The following NSMCE4A variants were observed in gnomAD, a reference collection of about 807,000 sequenced individuals.
NSMCE4A encodes the protein non-structural maintenance of chromosomes element 4 homolog A.
Under a neutral mutation model 47.9 loss-of-function variants are expected in NSMCE4A, and 40 were observed. The observed-to-expected ratio is 0.83, with a 90% CI of 0.65 to 1.09. The LOEUF (loss-of-function observed/expected upper bound fraction) is 1.09. Among genes scored for constraint, NSMCE4A ranks in the 50% least tolerant of loss-of-function variants. The pLI is 0.00. For missense variants in NSMCE4A, 500 were observed against 507.0 expected, an observed-to-expected ratio of 0.99 and a Z score of 0.13; for synonymous variants, 166 against 178.5, an observed-to-expected ratio of 0.93 and a Z score of 0.56.
chr10:121,971,321 T>C lies in NSMCE4A; in HGVS notation c.371-252A>G, dbSNP rs193043879. 4.1e-4 allele frequency among the ~76,000 whole-genome samples: 63 copies of C among 152,144 alleles called. No homozygotes were observed. In the South Asian group the frequency reaches 7.7e-3, roughly 19 times the overall value. On this transcript the variant is annotated intron_variant, in intron 2 of 10. Coordinates refer to ENST00000369023, the MANE Select transcript of NSMCE4A (RefSeq NM_017615.3). ...GTCAGGAGATCGAGACCATCCTGGC[T>C]AACACGGTGAAACCCCAGCTCTACT... is the stretch of plus-strand genomic sequence containing the variant.
intron 4 of NSMCE4A, chr10:121,967,443 C>A: frequency 1.9e-6 from 1 of 522,982 alleles, no homozygotes; most frequent in East Asian, 3.4e-5. Flanking sequence ...GATGATCTAC[C>A]TGCATCCACC....
At chr10:121,973,207 G>A (rs995370687) in intron 2 of NSMCE4A, among the ~76,000 whole-genome samples, 1 of 145,924 alleles carries the variant, frequency 6.9e-6, no homozygotes, top group African/African-American at 2.7e-5. Context: ...CTGCACTCCA[G>A]CCTGGGCAAC....
rs769808169 is a variant in NSMCE4A, at chr10:121,959,530, T to C, written c.1054A>G (p.Ile352Val). ...CAGTCACGGTAACTCAAAGCTATAA[T>C]TCCTTGATTTCTAACTTGTGTGTTA... ...EHNTQVRNQG[I>V]IALSYRDWEE... The change falls in exon 9 of 11, where the codon ATT becomes GTT. Residue 352 changes from isoleucine to valine, a missense_variant. By Grantham distance (29) the Ile-to-Val change is conservative. Coordinates refer to ENST00000369023, the MANE Select transcript of NSMCE4A (RefSeq NM_017615.3). The C allele has an allele frequency of 6.2e-7, 1 of 1,614,108 alleles. No homozygotes were observed. Among genetic ancestry groups the C allele is most frequent in the Non-Finnish European group, 8.5e-7 (1 of 1,179,946 alleles).
At position 121,959,304 on chromosome 10, in the gene NSMCE4A, C is replaced by T; in HGVS notation, c.*12+20G>A. ...ATGAACTTTAATAGAACTGTGTAGC[C>T]ATCCCATTGAAAAGGTTACCTTCAG... On this transcript the variant is annotated intron_variant, in intron 10 of 10. Coordinates refer to ENST00000369023, the MANE Select transcript of NSMCE4A (RefSeq NM_017615.3). The T allele has an allele frequency of 1.2e-5, 19 of 1,584,804 alleles. No individual in the cohort carries two copies. Among genetic ancestry groups the T allele is most frequent in the Non-Finnish European group, 1.6e-5 (19 of 1,153,326 alleles).
chr10:121,959,788 T>C, intron 8 of NSMCE4A, 193 bp from the exon 9 acceptor site: 1 of 590,420 alleles, frequency 1.7e-6, no homozygotes, highest in Non-Finnish European at 3.0e-6. Flanking sequence ...TCCATCTGTT[T>C]CCATTTCAAA....
At chr10:121,974,117 C>A in intron 1 of NSMCE4A, 36 bp from the exon 2 acceptor site, 1 of 1,529,928 alleles carries the variant, frequency 6.5e-7, no homozygotes, top group East Asian at 2.4e-5. Context: ...GAAATTTGTT[C>A]AGCATTCACT....
rs1952794279 is a variant in NSMCE4A, at chr10:121,975,140, C to T, written c.26G>A (p.Gly9Glu). 1 of 1,408,914 alleles carries T rather than the reference C, an allele frequency of 7.1e-7. No homozygotes were observed. The highest frequency in any genetic ancestry group is 9.1e-7 in the Non-Finnish European group (1 of 1,093,574). 87.3% of individuals were successfully genotyped at this position (1,408,914 alleles called of 1,614,324 possible). A position where few individuals can be genotyped will look rare whatever the true frequency, so the allele number is the denominator to read the frequency against. MSGDSSGRGPEGRGRGRDP... is the reference protein window; with the variant it reads MSGDSSGREPEGRGRGRDP... ...GCGGCCCCGGCCCCGGCCCTCTGGC[C>T]CGCGGCCGCTGCTGTCCCCAGACAT... is the stretch of plus-strand genomic sequence containing the variant. Residue 9 changes from glycine to glutamate, a missense_variant, in exon 1 of 11, where the codon GGG becomes GAG. By Grantham distance (98) the Gly-to-Glu change is moderately conservative (BLOSUM62 -2). Transcript: ENST00000369023.
Position 121,971,534 on chromosome 10 carries a change from T to G in NSMCE4A, c.371-465A>C, listed in dbSNP as rs1199966269. Among the ~76,000 whole-genome samples the G allele has an allele frequency of 4.8e-5, 7 of 146,260 alleles. No homozygotes were observed. The East Asian group carries it at 1.4e-3, about 30-fold the overall frequency. ...AACAAAAACAAAAACAAAAAAAAAC[T>G]TTCTCCTGTGCCCAACTCACCAAAA... is the stretch of plus-strand genomic sequence containing the variant. On this transcript the variant is annotated intron_variant, in intron 2 of 10. Coordinates refer to ENST00000369023, the MANE Select transcript of NSMCE4A (RefSeq NM_017615.3).
At chr10:121,969,501 T>TAAAAAAAAAAAAAAAA (rs35005382) in intron 3 of NSMCE4A, among the ~76,000 whole-genome samples, 4 of 138,206 alleles carry the variant, frequency 2.9e-5, no homozygotes, top group Non-Finnish European at 4.6e-5. Flanking sequence ...AAAAAAAAGT[T>TAAAAAAAAAAAAAAAA]AAAAAAAAAA....
intron 5 of NSMCE4A, 96 bp downstream of exon 5, chr10:121,965,188 CCG>C (rs386748367): frequency 1.5e-6 from 1 of 667,810 alleles, no homozygotes; most frequent in African/African-American, 2.8e-5. Flanking sequence ...GGCTCCAGAC[CCG>C]CACACTTAGA....
At chr10:121,959,255 A>G in intron 10 of NSMCE4A, 69 bp downstream of exon 10, 1 of 1,357,546 alleles carries the variant, frequency 7.4e-7, no homozygotes, top group African/African-American at 1.4e-5. Flanking sequence ...TGGAATGGGG[A>G]AAAGGGATAC....
At chr10:121,967,580 A>G in intron 4 of NSMCE4A, 75 bp downstream of exon 4, 2 of 1,463,034 alleles carry the variant, frequency 1.4e-6, no homozygotes, top group Admixed American at 2.1e-5. Flanking sequence ...ATACCAAATA[A>G]TCTTTGTCCC....
At chr10:121,962,026 C>T (rs1415624165) in intron 6 of NSMCE4A, 1 of 348,324 alleles carries the variant, frequency 2.9e-6, no homozygotes, top group South Asian at 2.1e-5. Flanking sequence ...AGGAGAATTG[C>T]TTGAATCCAG....
Position 121,965,338 on chromosome 10 carries a change from T to A in NSMCE4A, c.701A>T (p.Asp234Val). 6.2e-7 allele frequency: 1 copy of A among 1,614,066 alleles called. No homozygotes were observed. The highest frequency in any genetic ancestry group is 8.5e-7 in the Non-Finnish European group (1 of 1,179,954). ...TATCACAGGAACTTTTCTTGGACGATCAACTCGTGGCTTTGGCACAGGGCA... is the reference window on the plus strand; with the variant it reads ...TATCACAGGAACTTTTCTTGGACGAACAACTCGTGGCTTTGGCACAGGGCA... ...GECPVPKPRV[D>V]RPRKVPVIQE... Residue 234 changes from aspartate (D) to valine (V), a missense_variant, in exon 5 of 11, where the codon GAT (aspartate) becomes GTT (valine). Coordinates refer to ENST00000369023, the MANE Select transcript of NSMCE4A (RefSeq NM_017615.3).
chr10:121,968,204 G>A (rs1042887979), intron 3 of NSMCE4A, among the ~76,000 whole-genome samples: 1 of 152,106 alleles, frequency 6.6e-6, no homozygotes, highest in African/African-American at 2.4e-5. Context: ...ATAATGCACA[G>A]TAACAGCCCC....
At position 121,971,125 on chromosome 10, in the gene NSMCE4A, T is replaced by C. The variant is rs1026989167; in HGVS notation, c.371-56A>G. ...TACAAAATACACATTATCCATAGAC[T>C]TTTTCCCTACATTTCCAACTACTTA... On this transcript the variant is annotated intron_variant, in intron 2 of 10. Coordinates refer to ENST00000369023, the MANE Select transcript of NSMCE4A (RefSeq NM_017615.3). 2.1e-4 allele frequency: 303 copies of C among 1,474,846 alleles called. 1 individual carries two copies. Among genetic ancestry groups the C allele is most frequent in the Non-Finnish European group, 2.7e-4 (289 of 1,090,062 alleles). 91.4% of individuals were successfully genotyped at this position (1,474,846 alleles called of 1,614,324 possible).
Position 121,974,890 on chromosome 10 carries a change from G to A in NSMCE4A, c.276C>T (p.Leu92=), listed in dbSNP as rs199715146. The A allele has an allele frequency of 1.1e-3, 1,629 of 1,503,952 alleles. 3 individuals carry two copies. The highest frequency in any genetic ancestry group is 1.3e-3 in the Non-Finnish European group (1,520 of 1,128,280). The allele number at this position is 1,503,952 out of a possible 1,614,324, so 93.2% of individuals were successfully genotyped here. A position where few individuals can be genotyped will look rare whatever the true frequency, so the allele number is the denominator to read the frequency against. ...CRQIRHQYRA[L]INSVQQNRED... is the part of the protein sequence containing the mutation. Reference sequence around the variant, plus strand: ...CCGCCTTACGTTGGACGGAGTTGATGAGCGCCCGGTACTGATGGCGGATCT... The same window carrying A: ...CCGCCTTACGTTGGACGGAGTTGATAAGCGCCCGGTACTGATGGCGGATCT... Residue 92 remains leucine (L), a synonymous_variant, in exon 1 of 11, where the codon CTC becomes CTT. Transcript: ENST00000369023.
intron 4 of NSMCE4A, chr10:121,967,362 A>G (rs2420974): frequency 0.3 from 84,368 of 283,496 alleles, 13,188 homozygotes; most frequent in South Asian, 0.43. Context: ...ACAGCGGGCT[A>G]ATTTTTTGTA....
intron 7 of NSMCE4A, 130 bp downstream of exon 7, chr10:121,961,293 G>C: frequency 1.9e-6 from 1 of 519,832 alleles, no homozygotes. Flanking sequence ...TTAATGTTTT[G>C]CTACAATGGG....
Sources: allele counts gnomAD v4.1 joint callset (sites outside exome capture counted in the v4.1 genomes callset), GRCh38; gene constraint gnomAD v4.1.1; transcripts MANE v1.5; gene names NCBI Gene and HGNC (gene_info 2026-07-23, HGNC 2026-07-21).